The following TSPAN16 variants were observed in gnomAD, a reference collection of about 807,000 sequenced individuals.
TSPAN16 encodes tetraspanin 16, also known as tetraspanin-16.
Under a neutral mutation model 25.2 loss-of-function variants are expected in TSPAN16, and 23 were observed. The ratio of observed to expected loss-of-function variants is 0.91; its 90% CI spans 0.66 to 1.29. The LOEUF (loss-of-function observed/expected upper bound fraction) is 1.29. TSPAN16 is among the 50% of genes most tolerant of loss of function. The pLI is 0.00. For synonymous variants in TSPAN16, 123 were observed against 124.4 expected, an observed-to-expected ratio of 0.99 and a Z score of 0.08; for missense variants, 272 against 299.9, an observed-to-expected ratio of 0.91 and a Z score of 0.69.
At chr19:11,298,606 G>A (rs992735899) in intron 2 of TSPAN16, among the ~76,000 whole-genome samples, 10 of 151,988 alleles carry the variant, frequency 6.6e-5, no homozygotes, top group African/African-American at 2.4e-4. Flanking sequence ...GCTAATTTTT[G>A]TATTTTTAGT....
chr19:11,311,749 T>G (rs916137200), intron 5 of TSPAN16, among the ~76,000 whole-genome samples: 3 of 152,102 alleles, frequency 2.0e-5, no homozygotes, highest in African/African-American at 7.2e-5. Flanking sequence ...CTCATGAAAT[T>G]CTTGTAAGGC....
chr19:11,306,797 G>T (rs2080632942), intron 5 of TSPAN16, 41 bp downstream of exon 5: 1 of 1,562,472 alleles, frequency 6.4e-7, no homozygotes, highest in Non-Finnish European at 8.7e-7. Context: ...AGACCCCTGA[G>T]GGCTGGTGAC....
intron 6 of TSPAN16, among the ~76,000 whole-genome samples, chr19:11,325,841 C>T (rs559027547): frequency 3.3e-5 from 5 of 152,264 alleles, no homozygotes; most frequent in South Asian, 4.1e-4. Flanking sequence ...AAGGAAGCTA[C>T]GGCGGGAGGA....
At chr19:11,303,577 T>TAAAAAAAAAAAAAAAAAAAAAAAAA (rs1322861353) in intron 4 of TSPAN16, among the ~76,000 whole-genome samples, 3 of 78,302 alleles carry the variant, frequency 3.8e-5, no homozygotes, top group African/African-American at 9.3e-5. Context: ...ATAAATAAAT[T>TAAAAAAAAAAAAAAAAAAAAAAAAA]AAAAAAAAAA....
intron 1 of TSPAN16, 97 bp downstream of exon 1, chr19:11,296,463 G>A (rs911218212): frequency 9.3e-6 from 12 of 1,290,234 alleles, no homozygotes; most frequent in East Asian, 4.6e-5. Flanking sequence ...AATTGGCATC[G>A]AGATCTGTGG....
intron 4 of TSPAN16, among the ~76,000 whole-genome samples, chr19:11,305,420 C>T (rs1024515009): frequency 1.3e-5 from 2 of 151,828 alleles, no homozygotes; most frequent in African/African-American, 4.8e-5. Flanking sequence ...ATCCCAGCTA[C>T]TCGGGAGGCC....
chr19:11,325,744 C>T (rs906903169), intron 6 of TSPAN16, among the ~76,000 whole-genome samples: 8 of 152,126 alleles, frequency 5.3e-5, no homozygotes, highest in African/African-American at 1.9e-4. Context: ...AGTTTGCTCA[C>T]CTGTAAAATG....
In TSPAN16 at chr19:11,301,212, G is replaced by A. The variant is rs914680116; in HGVS notation, c.354G>A (p.Val118=). The A allele has an allele frequency of 2.5e-6, 4 of 1,613,790 alleles. No homozygotes were observed. In the African/African-American group the frequency reaches 4.0e-5, roughly 16 times the overall value. ...VLLFFPIVGD[V]ALEHTFVTLR... ...GTCCTCTCTGTGAGGTTGGAGATGTGGCCTTGGAACACACCTTCGTGACCC... is the reference window on the plus strand; with the variant it reads ...GTCCTCTCTGTGAGGTTGGAGATGTAGCCTTGGAACACACCTTCGTGACCC... Residue 118 remains valine, a synonymous_variant, in exon 4 of 7, where the codon GTG becomes GTA. Coordinates refer to ENST00000590327, the MANE Select transcript of TSPAN16 (RefSeq NM_001282509.2).
rs192026480 is a variant in TSPAN16, at chr19:11,312,101, T to C, written c.604-38T>C. The C allele has an allele frequency of 4.4e-3, 6,910 of 1,558,610 alleles. 70 individuals are homozygous for C. Among genetic ancestry groups the C allele is most frequent in the Admixed American group, 0.036 (2,119 of 58,148 alleles). On this transcript the variant is annotated intron_variant, in intron 5 of 6. Coordinates refer to ENST00000590327, the MANE Select transcript of TSPAN16 (RefSeq NM_001282509.2). ...TGGGGACTTGCAATCCATAAGCCCC[T>C]AACCACCTCCTGCTTGTTTTGGTGT...
intron 6 of TSPAN16, chr19:11,325,358 C>G: frequency 8.9e-7 from 1 of 1,117,514 alleles, no homozygotes; most frequent in Non-Finnish European, 1.2e-6. Flanking sequence ...CAGTCCCTGC[C>G]GAGGCAGGAG....
At chr19:11,300,753 A>G (rs941856189) in intron 3 of TSPAN16, 4 of 160,314 alleles carry the variant, frequency 2.5e-5, no homozygotes, top group African/African-American at 9.6e-5. Flanking sequence ...GTGCATGTCA[A>G]TTTCGAACCA....
At chr19:11,306,901 C>CGCCT (rs2080634090) in intron 5 of TSPAN16, 145 bp downstream of exon 5, 4 of 731,700 alleles carry the variant, frequency 5.5e-6, no homozygotes, top group Middle Eastern at 8.5e-4. Context: ...CTGCAACCTC[C>CGCCT]GCCTCCCAGG....
At chr19:11,299,618 G>A (rs1471917150) in intron 3 of TSPAN16, among the ~76,000 whole-genome samples, 3 of 152,176 alleles carry the variant, frequency 2.0e-5, no homozygotes, top group Non-Finnish European at 4.4e-5. Flanking sequence ...TCCCATCTCT[G>A]GGAATTATTC....
intron 5 of TSPAN16, chr19:11,308,038 G>A (rs1263585480): frequency 2.6e-5 from 4 of 152,212 alleles, no homozygotes; most frequent in Non-Finnish European, 5.9e-5. Context: ...GTGAGGGCCA[G>A]CCACGTGATG....
chr19:11,298,473 C>T (rs1247634562), intron 2 of TSPAN16, 134 bp downstream of exon 2: 10 of 833,662 alleles, frequency 1.2e-5, no homozygotes, highest in Admixed American at 5.2e-5. Flanking sequence ...TTCACTCTGT[C>T]GCCCAGGCTG....
At chr19:11,306,183 A>G (rs1302285738) in intron 4 of TSPAN16, among the ~76,000 whole-genome samples, 1 of 151,998 alleles carries the variant, frequency 6.6e-6, no homozygotes, top group Non-Finnish European at 1.5e-5. Context: ...CAGGAGAATC[A>G]CTGAGGAGTT....
chr19:11,313,986 G>T (rs1471359469), intron 6 of TSPAN16, among the ~76,000 whole-genome samples: 1 of 152,122 alleles, frequency 6.6e-6, no homozygotes, highest in Non-Finnish European at 1.5e-5. Flanking sequence ...AATGGATAAA[G>T]AAAATGCATA....
chr19:11,306,009 G>A (rs891903713), intron 4 of TSPAN16, among the ~76,000 whole-genome samples: 3 of 151,274 alleles, frequency 2.0e-5, no homozygotes, highest in African/African-American at 4.9e-5. Context: ...GGCTCACGCC[G>A]CTAATCCCAG....
chr19:11,325,282 C>T, intron 6 of TSPAN16: 3 of 672,988 alleles, frequency 4.5e-6, no homozygotes, highest in Non-Finnish European at 7.5e-6. Context: ...AGTCGGGGAG[C>T]AGTTGACAGG....
Sources: gnomAD v4.1 joint callset for allele counts (sites outside exome capture counted in the v4.1 genomes callset) on GRCh38, gnomAD v4.1.1 for gene constraint, MANE v1.5 for transcripts, NCBI Gene and HGNC (gene_info 2026-07-23, HGNC 2026-07-21) for gene names.